NAALADL2: variants seen among roughly 807,000 people sequenced by gnomAD.
The protein encoded by NAALADL2 is N-acetylated alpha-linked acidic dipeptidase like 2, also known as inactive N-acetylated-alpha-linked acidic dipeptidase-like protein 2.
NAALADL2 carries 76 observed loss-of-function variants against 87.2 expected under a neutral mutation model. That is an observed-to-expected ratio of 0.87 (90% CI 0.72 to 1.05). The LOEUF is 1.05. Among genes scored for constraint, NAALADL2 ranks in the 50% least tolerant of loss-of-function variants. The pLI is 0.00. For synonymous variants in NAALADL2, 354 were observed against 331.0 expected (o/e 1.07, Z -0.75); for missense variants, 1,089 against 945.8 (o/e 1.15, Z -1.99).
intron 1 of NAALADL2, among the ~76,000 whole-genome samples, chr3:174,538,943 A>G (rs1721973511): frequency 1.3e-5 from 2 of 152,124 alleles, no homozygotes; most frequent in African/African-American, 4.8e-5. Context: ...GAGCCTGACT[A>G]CGTTGGGCTC....
At chr3:175,630,912 C>T (rs1727669173) in intron 11 of NAALADL2, among the ~76,000 whole-genome samples, 1 of 151,394 alleles carries the variant, frequency 6.6e-6, no homozygotes, top group Non-Finnish European at 1.5e-5. Context: ...AGTATTATGT[C>T]AATATTAAAG....
At chr3:174,782,367 G>T (rs1299280575) in intron 3 of NAALADL2, among the ~76,000 whole-genome samples, 1 of 151,988 alleles carries the variant, frequency 6.6e-6, no homozygotes, top group East Asian at 1.9e-4. Flanking sequence ...CTACCATGCT[G>T]GCTTTTACAC....
At chr3:175,159,841 T>C (rs1303680180) in intron 2 of NAALADL2, among the ~76,000 whole-genome samples, 4 of 151,654 alleles carry the variant, frequency 2.6e-5, no homozygotes, top group Admixed American at 6.6e-5. Context: ...CTTTTCTTTT[T>C]CTTTTTCTTT....
At chr3:175,295,812 T>C (rs1160458561) in intron 4 of NAALADL2, among the ~76,000 whole-genome samples, 1 of 151,180 alleles carries the variant, frequency 6.6e-6, no homozygotes, top group Non-Finnish European at 1.5e-5. Flanking sequence ...CCTAAAACAA[T>C]CATACAATGA....
At chr3:174,898,776 C>A (rs1231575380) in intron 1 of NAALADL2, among the ~76,000 whole-genome samples, 2 of 145,578 alleles carry the variant, frequency 1.4e-5, no homozygotes, top group Non-Finnish European at 3.1e-5. Flanking sequence ...TAAAACTAAA[C>A]TGTATTTTTT....
At chr3:175,535,414 T>A (rs76510333) in intron 9 of NAALADL2, among the ~76,000 whole-genome samples, 1 of 152,326 alleles carries the variant, frequency 6.6e-6, no homozygotes, top group Admixed American at 6.5e-5. Context: ...TTTACTCTCC[T>A]GCTACTCTCC....
intron 9 of NAALADL2, among the ~76,000 whole-genome samples, chr3:175,493,369 G>C (rs16825835): frequency 0.07 from 10,657 of 152,126 alleles, 444 homozygotes; most frequent in South Asian, 0.15. Context: ...TGTCAAAACT[G>C]TAGTAAAATA....
intron 3 of NAALADL2, among the ~76,000 whole-genome samples, chr3:174,778,129 T>C (rs568799845): frequency 7.9e-5 from 12 of 152,194 alleles, no homozygotes; most frequent in Non-Finnish European, 1.5e-4. Flanking sequence ...TTCTAGACTT[T>C]CCATGATCTC....
intron 5 of NAALADL2, among the ~76,000 whole-genome samples, chr3:175,385,373 A>C (rs1768253601): frequency 6.6e-6 from 1 of 152,042 alleles, no homozygotes; most frequent in East Asian, 1.9e-4. Context: ...GTCTTACCTT[A>C]CTTTTAGTTT....
chr3:175,205,838 A>G (rs569236154), intron 2 of NAALADL2, among the ~76,000 whole-genome samples: 1 of 152,134 alleles, frequency 6.6e-6, no homozygotes, highest in East Asian at 1.9e-4. Context: ...CAAAAAAAAA[A>G]TGAAAAAATG....
chr3:174,837,564 C>T (rs776836577), intron 3 of NAALADL2, among the ~76,000 whole-genome samples: 3 of 152,122 alleles, frequency 2.0e-5, no homozygotes, highest in Admixed American at 6.5e-5. Flanking sequence ...GAGTCCAAAG[C>T]GGGCAGATCA....
intron 3 of NAALADL2, among the ~76,000 whole-genome samples, chr3:174,831,913 TC>T (rs1186503099): frequency 6.6e-6 from 1 of 151,452 alleles, no homozygotes; most frequent in Non-Finnish European, 1.5e-5. Flanking sequence ...TTTGTAGTAT[TC>T]TCTGATGGTA....
At chr3:174,977,214 G>C (rs1671429744) in intron 1 of NAALADL2, among the ~76,000 whole-genome samples, 1 of 152,168 alleles carries the variant, frequency 6.6e-6, no homozygotes. Flanking sequence ...GAGTAGAATG[G>C]TGGTTTCCGG....
intron 1 of NAALADL2, among the ~76,000 whole-genome samples, chr3:174,546,734 T>C (rs997300897): frequency 6.6e-6 from 1 of 152,188 alleles, no homozygotes; most frequent in Non-Finnish European, 1.5e-5. Context: ...CTTGGCTTAC[T>C]ACATCCTCGA....
At chr3:174,839,872 G>T (rs905106883) in intron 3 of NAALADL2, among the ~76,000 whole-genome samples, 3 of 152,026 alleles carry the variant, frequency 2.0e-5, no homozygotes. Flanking sequence ...CATGGATGCG[G>T]TGAACAGGGA....
At chr3:175,266,313 A>C (rs192505172) in intron 4 of NAALADL2, among the ~76,000 whole-genome samples, 6 of 151,426 alleles carry the variant, frequency 4.0e-5, no homozygotes, top group African/African-American at 1.4e-4. Context: ...ACAAAATTTT[A>C]ATCAATATTG....
At chr3:175,683,839 A>G (rs1056293491) in intron 11 of NAALADL2, among the ~76,000 whole-genome samples, 1 of 152,106 alleles carries the variant, frequency 6.6e-6, no homozygotes, top group Admixed American at 6.6e-5. Context: ...AATGTAAAGT[A>G]TAATTACATT....
intron 2 of NAALADL2, among the ~76,000 whole-genome samples, chr3:175,206,800 T>C (rs1413318347): frequency 6.6e-6 from 1 of 152,152 alleles, no homozygotes; most frequent in African/African-American, 2.4e-5. Context: ...ACTGACACTT[T>C]TTCTGGCTTA....
chr3:175,470,930 A>G (rs2149290321), intron 8 of NAALADL2, among the ~76,000 whole-genome samples: 1 of 152,228 alleles, frequency 6.6e-6, no homozygotes, highest in South Asian at 2.1e-4. Context: ...TTCAAAAGTA[A>G]AGGGCTGGTT....
Sources: allele counts gnomAD v4.1 joint callset (sites outside exome capture counted in the v4.1 genomes callset), GRCh38; gene constraint gnomAD v4.1.1; transcripts MANE v1.5; gene names NCBI Gene and HGNC (gene_info 2026-07-23, HGNC 2026-07-21).